The following TEX10 variants were observed in gnomAD, a reference collection of about 807,000 sequenced individuals.
The protein encoded by TEX10 is testis expressed 10.
TEX10 carries 24 observed loss-of-function variants against 104.4 expected under a neutral mutation model. The ratio of observed to expected loss-of-function variants is 0.23; its 90% confidence interval spans 0.17 to 0.32. The LOEUF is 0.32. Among genes scored for constraint, TEX10 ranks in the 10% least tolerant of loss-of-function variants. The pLI, the probability that TEX10 is intolerant of heterozygous loss-of-function variation, is 1.00. For missense variants in TEX10, 921 were observed against 1,083.9 expected (o/e 0.85, Z 2.11); for synonymous variants, 396 against 393.4 (o/e 1.01, Z -0.08).
At chr9:100,352,343 C>G in intron 1 of TEX10, 1 of 1,550,668 alleles carries the variant, frequency 6.4e-7, no homozygotes, top group South Asian at 1.2e-5. Flanking sequence ...CCTGGGCGAC[C>G]AGAGGACGGA....
At chr9:100,327,296 G>C (rs961464250) in intron 8 of TEX10, among the ~76,000 whole-genome samples, 1 of 151,824 alleles carries the variant, frequency 6.6e-6, no homozygotes, top group African/African-American at 2.4e-5. Context: ...AAAATTCATT[G>C]AACTGTACAT....
rs962994947 is a variant in TEX10, at chr9:100,352,766, G to T, written c.-10+6C>A. ...GGACCCGGCCCGACGGGCGACGGCCGCTTACCTGAGGACCCGGCCGCGGCC... is the reference window on the plus strand; with the variant it reads ...GGACCCGGCCCGACGGGCGACGGCCTCTTACCTGAGGACCCGGCCGCGGCC... On this transcript the variant is annotated splice_donor_region_variant and intron_variant, in intron 1 of 14. Transcript: ENST00000374902. 8.8e-7 allele frequency: 1 copy of T among 1,135,426 alleles called. No individual in the cohort carries two copies. 70.3% of individuals were successfully genotyped at this position (1,135,426 alleles called of 1,614,324 possible).
chr9:100,312,290 G>C (rs2118840546), intron 11 of TEX10, among the ~76,000 whole-genome samples: 1 of 152,308 alleles, frequency 6.6e-6, no homozygotes, highest in South Asian at 2.1e-4. Flanking sequence ...CACTGGATTT[G>C]GTGGGAGTGC....
intron 5 of TEX10, among the ~76,000 whole-genome samples, 184 bp from the exon 6 acceptor site, chr9:100,330,353 G>A (rs373392898): frequency 6.6e-6 from 1 of 152,176 alleles, no homozygotes; most frequent in South Asian, 2.1e-4. Flanking sequence ...ATTTCATTAT[G>A]GAATCAGAGT....
At position 100,346,185 on chromosome 9, in the gene TEX10, T is replaced by C; in HGVS notation, c.1024A>G (p.Thr342Ala). 1 of 1,613,888 alleles carries C rather than the reference T, an allele frequency of 6.2e-7. No individual in the cohort carries two copies. ...WVEAVPPQLATPVGNGIEREP... is the reference protein window; with the variant it reads ...WVEAVPPQLAAPVGNGIEREP... Reference sequence around the variant, plus strand: ...CGTTCTATACCATTCCCAACAGGAGTAGCTAGTTGTGGAGGTACAGCTTCA... The same window carrying C: ...CGTTCTATACCATTCCCAACAGGAGCAGCTAGTTGTGGAGGTACAGCTTCA... The change falls in exon 4 of 15, where the codon ACT becomes GCT. Residue 342 changes from threonine (T) to alanine (A), a missense_variant. Physicochemically the swap from Thr to Ala is moderately conservative, Grantham distance 58 (BLOSUM62 0). Transcript: ENST00000374902.
At position 100,330,146 on chromosome 9, in the gene TEX10, G is replaced by A; in HGVS notation, c.1274C>T (p.Ser425Phe). Residue 425 changes from serine to phenylalanine, a missense_variant, in exon 6 of 15, where the codon TCC becomes TTC. Ser to Phe is a radical substitution (Grantham distance 155). Coordinates refer to ENST00000374902, the MANE Select transcript of TEX10 (RefSeq NM_017746.4). ...CAGTAAGAGATGATCTATGTTATTG[G>A]AGAGAACTGTGCAATGCTTGATGCT... Reference protein sequence around the residue: ...NKSIKHCTVLSNNIDHLLLNL... With the variant: ...NKSIKHCTVLFNNIDHLLLNL... 2 of 1,612,686 alleles carry A rather than the reference G, an allele frequency of 1.2e-6. No homozygotes were observed. The highest frequency in any genetic ancestry group is 1.7e-6 in the Non-Finnish European group (2 of 1,179,204).
At chr9:100,310,037 A>C (rs1214529080) in intron 12 of TEX10, among the ~76,000 whole-genome samples, 1 of 152,140 alleles carries the variant, frequency 6.6e-6, no homozygotes, top group Admixed American at 6.5e-5. Flanking sequence ...GTGAAGTTTA[A>C]TTTTCAGGTC....
chr9:100,302,339 A>T (rs1231677112), intron 14 of TEX10, 35 bp from the exon 15 acceptor site: 13 of 1,462,312 alleles, frequency 8.9e-6, no homozygotes, highest in Non-Finnish European at 1.2e-5. Context: ...TGAGAACTGC[A>T]CCCAAATCAC....
chr9:100,351,363 TAAAA>T (rs1256736962), intron 1 of TEX10, among the ~76,000 whole-genome samples: 1 of 23,518 alleles, frequency 4.3e-5, no homozygotes, highest in Non-Finnish European at 7.7e-5. Context: ...ACCTTAGTCT[TAAAA>T]AACAAAACAA....
chr9:100,318,429 G>A (rs974749773), intron 11 of TEX10, among the ~76,000 whole-genome samples: 2 of 152,182 alleles, frequency 1.3e-5, no homozygotes, highest in African/African-American at 4.8e-5. Flanking sequence ...CATGGACATA[G>A]AGTGTGAAAT....
At chr9:100,345,297 C>G (rs1022076440) in intron 4 of TEX10, among the ~76,000 whole-genome samples, 8 of 152,184 alleles carry the variant, frequency 5.3e-5, no homozygotes, top group African/African-American at 1.9e-4. Flanking sequence ...TCAAGACTAT[C>G]AAATACTACT....
chr9:100,341,922 C>T (rs1835184082), intron 4 of TEX10, among the ~76,000 whole-genome samples: 1 of 152,182 alleles, frequency 6.6e-6, no homozygotes, highest in African/African-American at 2.4e-5. Context: ...TCATGCCACT[C>T]CTCTGCTCAA....
At chr9:100,335,352 G>A (rs1409681536) in intron 5 of TEX10, among the ~76,000 whole-genome samples, 2 of 151,966 alleles carry the variant, frequency 1.3e-5, no homozygotes, top group African/African-American at 2.4e-5. Context: ...ACAGGCGCCC[G>A]CCACCATGCC....
intron 7 of TEX10, among the ~76,000 whole-genome samples, chr9:100,328,338 T>C (rs959637709): frequency 6.6e-6 from 1 of 152,212 alleles, no homozygotes; most frequent in Non-Finnish European, 1.5e-5. Flanking sequence ...GAATACTTGC[T>C]GGAGTGTAAA....
chr9:100,336,082 G>C (rs890165343), intron 5 of TEX10, among the ~76,000 whole-genome samples: 28 of 151,984 alleles, frequency 1.8e-4, no homozygotes, highest in Non-Finnish European at 3.2e-4. Flanking sequence ...CAGAAGAATT[G>C]CTTGAACTCA....
chr9:100,311,988 G>GGA (rs1006476259), intron 11 of TEX10, among the ~76,000 whole-genome samples: 4 of 151,690 alleles, frequency 2.6e-5, no homozygotes, highest in Non-Finnish European at 2.9e-5. Context: ...GTGGGGGGGG[G>GGA]AATCAACAGA....
At chr9:100,351,067 T>C (rs1835429140) in intron 1 of TEX10, among the ~76,000 whole-genome samples, 1 of 152,016 alleles carries the variant, frequency 6.6e-6, no homozygotes, top group African/African-American at 2.4e-5. Flanking sequence ...GATCAGGACA[T>C]ACCAAGCCCG....
chr9:100,317,497 T>A (rs1834450865), intron 11 of TEX10, among the ~76,000 whole-genome samples: 1 of 152,090 alleles, frequency 6.6e-6, no homozygotes. Flanking sequence ...CTCGAGATGA[T>A]TAAACACTTA....
chr9:100,320,701 C>T (rs1361960255), intron 10 of TEX10, among the ~76,000 whole-genome samples: 2 of 152,102 alleles, frequency 1.3e-5, no homozygotes, highest in African/African-American at 4.8e-5. Flanking sequence ...ATAATCTTTC[C>T]AATTAATGGT....
Sources: allele counts gnomAD v4.1 joint callset (sites outside exome capture counted in the v4.1 genomes callset), GRCh38; gene constraint gnomAD v4.1.1; transcripts MANE v1.5; gene names NCBI Gene and HGNC (gene_info 2026-07-23, HGNC 2026-07-21).